The following PPFIA2 variants were observed in gnomAD, a reference collection of about 807,000 sequenced individuals.
The protein encoded by PPFIA2 is liprin-alpha-2.
PPFIA2 carries 46 observed loss-of-function variants against 175.5 expected under a neutral mutation model. That is an observed-to-expected ratio of 0.26 (90% CI 0.21 to 0.34). The LOEUF (loss-of-function observed/expected upper bound fraction) is 0.34. PPFIA2 is among the 10% of genes least tolerant of loss of function. The pLI is 1.00. For missense variants in PPFIA2, 1,179 were observed against 1,506.1 expected (o/e 0.78, Z 3.60); for synonymous variants, 568 against 511.4 (o/e 1.11, Z -1.49).
At chr12:81,598,537 T>C (rs1442192842) in intron 4 of PPFIA2, among the ~76,000 whole-genome samples, 1 of 152,132 alleles carries the variant, frequency 6.6e-6, no homozygotes, top group Non-Finnish European at 1.5e-5. Context: ...AAGCTCTACT[T>C]AGTAACAAAT....
At chr12:81,698,797 A>T (rs762222594) in intron 3 of PPFIA2, among the ~76,000 whole-genome samples, 6 of 151,934 alleles carry the variant, frequency 3.9e-5, no homozygotes, top group Non-Finnish European at 8.8e-5. Flanking sequence ...AAACACACAC[A>T]TCTAGTGGAA....
chr12:81,624,513 G>A (rs935083674), intron 4 of PPFIA2, among the ~76,000 whole-genome samples: 3 of 144,080 alleles, frequency 2.1e-5, no homozygotes, highest in Non-Finnish European at 4.5e-5. Flanking sequence ...ATTATTATAT[G>A]TATAATACAT....
At chr12:81,705,083 TAAAAAAAAAAAA>T (rs557079067) in intron 3 of PPFIA2, among the ~76,000 whole-genome samples, 2 of 32,356 alleles carry the variant, frequency 6.2e-5, no homozygotes, top group African/African-American at 1.3e-4. Context: ...AAACTCTGTC[TAAAAAAAAAAAA>T]AAAAAAAAAA....
intron 4 of PPFIA2, among the ~76,000 whole-genome samples, chr12:81,647,651 C>T (rs985284337): frequency 3.3e-5 from 5 of 150,908 alleles, no homozygotes; most frequent in South Asian, 2.1e-4. Flanking sequence ...GTCCCAGCTA[C>T]TCAGGAGGCT....
chr12:81,632,523 A>G (rs2063505287), intron 4 of PPFIA2, among the ~76,000 whole-genome samples: 1 of 152,166 alleles, frequency 6.6e-6, no homozygotes, highest in African/African-American at 2.4e-5. Context: ...CAAAGAGATC[A>G]AGTCCATATA....
chr12:81,263,063 T>G (rs1160479914), intron 31 of PPFIA2, among the ~76,000 whole-genome samples, 168 bp downstream of exon 31: 1 of 152,230 alleles, frequency 6.6e-6, no homozygotes, highest in Non-Finnish European at 1.5e-5. Context: ...CATGAGTTCA[T>G]GCAATAGCAG....
chr12:81,323,930 T>C (rs2054210558), intron 22 of PPFIA2, among the ~76,000 whole-genome samples: 1 of 152,084 alleles, frequency 6.6e-6, no homozygotes, highest in Non-Finnish European at 1.5e-5. Flanking sequence ...TAATTAACTC[T>C]GACTTGCCTT....
chr12:81,327,590 G>A (rs1327491054), intron 21 of PPFIA2, among the ~76,000 whole-genome samples: 1 of 152,038 alleles, frequency 6.6e-6, no homozygotes, highest in African/African-American at 2.4e-5. Context: ...GGTCCATATA[G>A]GGACATAGAG....
intron 3 of PPFIA2, among the ~76,000 whole-genome samples, chr12:81,705,818 CT>C (rs1450908739): frequency 3.3e-5 from 5 of 152,214 alleles, no homozygotes; most frequent in Admixed American, 6.5e-5. Context: ...AAAATAGGTT[CT>C]CTTTTGTAGA....
At chr12:81,610,323 T>C (rs569368645) in intron 4 of PPFIA2, among the ~76,000 whole-genome samples, 3 of 152,208 alleles carry the variant, frequency 2.0e-5, no homozygotes, top group African/African-American at 7.2e-5. Flanking sequence ...TGGACTACAT[T>C]TGCAAATATA....
chr12:81,524,749 C>CT (rs1184378516), intron 4 of PPFIA2, among the ~76,000 whole-genome samples: 4 of 152,046 alleles, frequency 2.6e-5, no homozygotes. Flanking sequence ...AAGGACATGC[C>CT]TTTTTGGGGG....
At chr12:81,474,969 C>T (rs2057294774) in intron 4 of PPFIA2, among the ~76,000 whole-genome samples, 2 of 152,072 alleles carry the variant, frequency 1.3e-5, no homozygotes, top group Admixed American at 1.3e-4. Flanking sequence ...GAATAATACA[C>T]AACACAAAAA....
chr12:81,384,398 G>C (rs151315430), intron 8 of PPFIA2, among the ~76,000 whole-genome samples, 154 bp from the exon 9 acceptor site: 2 of 152,096 alleles, frequency 1.3e-5, no homozygotes, highest in East Asian at 3.9e-4. Context: ...AAGTTTCTAA[G>C]GAAACTGTTA....
At chr12:81,410,196 T>C (rs1303245331) in intron 7 of PPFIA2, among the ~76,000 whole-genome samples, 3 of 152,156 alleles carry the variant, frequency 2.0e-5, no homozygotes, top group Non-Finnish European at 4.4e-5. Context: ...CATATACTTC[T>C]ATTGTTTATA....
intron 22 of PPFIA2, among the ~76,000 whole-genome samples, chr12:81,312,638 C>T (rs2051222140): frequency 6.6e-6 from 1 of 152,174 alleles, no homozygotes; most frequent in African/African-American, 2.4e-5. Flanking sequence ...GAATGGGCAG[C>T]AACTTGAAGT....
intron 8 of PPFIA2, among the ~76,000 whole-genome samples, chr12:81,395,176 T>A (rs1324869725): frequency 6.6e-6 from 1 of 152,000 alleles, no homozygotes; most frequent in African/African-American, 2.4e-5. Context: ...CATCTTTATA[T>A]GCCAGTATTA....
intron 4 of PPFIA2, among the ~76,000 whole-genome samples, chr12:81,542,618 T>C (rs891940601): frequency 1.3e-5 from 2 of 152,142 alleles, no homozygotes; most frequent in African/African-American, 2.4e-5. Context: ...TCAGCTGGAC[T>C]AAATTTTAAC....
At chr12:81,737,714 T>C (rs1460173395) in intron 3 of PPFIA2, among the ~76,000 whole-genome samples, 1 of 151,958 alleles carries the variant, frequency 6.6e-6, no homozygotes, top group African/African-American at 2.4e-5. Flanking sequence ...TTAAAGATAG[T>C]AATCACAACA....
At chr12:81,656,556 G>GA in intron 4 of PPFIA2, among the ~76,000 whole-genome samples, 1 of 151,902 alleles carries the variant, frequency 6.6e-6, no homozygotes, top group South Asian at 2.1e-4. Context: ...GTCAATAGAA[G>GA]AAAAATAGTC....
Sources: gnomAD v4.1 joint callset for allele counts (sites outside exome capture counted in the v4.1 genomes callset) on GRCh38, gnomAD v4.1.1 for gene constraint, MANE v1.5 for transcripts, NCBI Gene and HGNC (gene_info 2026-07-23, HGNC 2026-07-21) for gene names.